The following PDE8B variants were observed in gnomAD, a reference collection of about 807,000 sequenced individuals.
PDE8B encodes the protein phosphodiesterase 8B.
A neutral mutation model predicts 101.3 loss-of-function variants in PDE8B; 26 were observed. That is an observed-to-expected ratio of 0.26 (90% CI 0.19 to 0.36). PDE8B has a LOEUF of 0.36. Among genes scored for constraint, PDE8B ranks in the 10% least tolerant of loss-of-function variants. The pLI, the probability that PDE8B is intolerant of heterozygous loss-of-function variation, is 1.00. For synonymous variants in PDE8B, 424 were observed against 429.3 expected (o/e 0.99, Z 0.15); for missense variants, 810 against 1,163.1 (o/e 0.70, Z 4.42).
intron 10 of PDE8B, among the ~76,000 whole-genome samples, chr5:77,381,133 C>T (rs13178853): frequency 0.84 from 127,513 of 152,220 alleles, 53,816 homozygotes; most frequent in African/African-American, 0.94. Context: ...ATAGCCAGCT[C>T]GCTGCCTGGA....
the PDE8B span, chr5:77,087,756 TC>T: frequency 6.6e-6 from 1 of 152,262 alleles, no homozygotes; most frequent in Non-Finnish European, 1.5e-5. Context: ...TGGGCCATGC[TC>T]CCTGCTGGGC....
At chr5:77,262,553 C>T (rs1311208715) in intron 1 of PDE8B, among the ~76,000 whole-genome samples, 1 of 152,166 alleles carries the variant, frequency 6.6e-6, no homozygotes, top group African/African-American at 2.4e-5. Flanking sequence ...TATAGTTGTA[C>T]CTTATTATCA....
At chr5:77,137,212 T>C in the PDE8B span, among the ~76,000 whole-genome samples, 340 of 152,296 alleles carry the variant, frequency 2.2e-3, 4 homozygotes, top group African/African-American at 7.8e-3. Context: ...CTGAAAGTCT[T>C]CCAGGTTATT....
At chr5:77,103,832 C>G in the PDE8B span, among the ~76,000 whole-genome samples, 1 of 152,172 alleles carries the variant, frequency 6.6e-6, no homozygotes, top group Non-Finnish European at 1.5e-5. Flanking sequence ...GGTCCTTTTG[C>G]TTTTTCCTCT....
At position 77,417,355 on chromosome 5, in the gene PDE8B, G is replaced by A. The variant is rs140598290; in HGVS notation, c.1912-874G>A. On this transcript the variant is annotated intron_variant, in intron 17 of 21. Transcript: ENST00000264917. Reference sequence around the variant, plus strand: ...GCACGTCTCACAGCAAGTTACTTCCGTTTGTGTTTTTAAATGTATTTGTCT... The same window carrying A: ...GCACGTCTCACAGCAAGTTACTTCCATTTGTGTTTTTAAATGTATTTGTCT... 1.9e-4 allele frequency among the ~76,000 whole-genome samples: 29 copies of A among 152,242 alleles called. 1 individual carries two copies. The highest frequency in any genetic ancestry group is 5.3e-4 in the African/African-American group (22 of 41,546).
chr5:77,360,605 G>T (rs947327129), intron 10 of PDE8B, among the ~76,000 whole-genome samples: 3 of 152,218 alleles, frequency 2.0e-5, no homozygotes, highest in African/African-American at 7.2e-5. Context: ...CCCAGTGGAA[G>T]ATACAGGATG....
chr5:77,235,906 G>A (rs1754581572), intron 1 of PDE8B, among the ~76,000 whole-genome samples: 2 of 151,956 alleles, frequency 1.3e-5, no homozygotes, highest in Admixed American at 6.6e-5. Flanking sequence ...AACCTTATTT[G>A]GTTGGTACTA....
intron 2 of PDE8B, among the ~76,000 whole-genome samples, chr5:77,317,166 C>T (rs936624878): frequency 4.6e-5 from 7 of 152,134 alleles, no homozygotes; most frequent in Non-Finnish European, 8.8e-5. Context: ...AACACACTAA[C>T]TTTCAGTGTA....
chr5:77,238,912 T>G (rs531824763), intron 1 of PDE8B, among the ~76,000 whole-genome samples: 3 of 152,364 alleles, frequency 2.0e-5, no homozygotes, highest in South Asian at 2.1e-4. Context: ...TTCAACAGAT[T>G]GTATGATGTC....
intron 1 of PDE8B, among the ~76,000 whole-genome samples, chr5:77,258,689 C>G (rs987577421): frequency 6.6e-6 from 1 of 152,162 alleles, no homozygotes; most frequent in African/African-American, 2.4e-5. Flanking sequence ...TCTATCACAG[C>G]TTTTGAGTCT....
chr5:77,287,820 G>T (rs1194510006), intron 1 of PDE8B, among the ~76,000 whole-genome samples: 2 of 151,870 alleles, frequency 1.3e-5, no homozygotes, highest in Non-Finnish European at 2.9e-5. Context: ...TTTTTAAAAT[G>T]TTTTCTAGTT....
intron 20 of PDE8B, among the ~76,000 whole-genome samples, chr5:77,422,707 ACT>A (rs1796932957): frequency 6.7e-6 from 1 of 149,740 alleles, no homozygotes; most frequent in Admixed American, 6.7e-5. Context: ...CAGAGAAGAG[ACT>A]CTAAGCACTG....
intron 1 of PDE8B, among the ~76,000 whole-genome samples, chr5:77,249,135 G>A (rs989758): frequency 0.41 from 62,529 of 152,072 alleles, 13,399 homozygotes; most frequent in East Asian, 0.75. Context: ...TCTGGCTGGA[G>A]AGACCTTTAA....
chr5:77,122,580 C>A, the PDE8B span, among the ~76,000 whole-genome samples: 1 of 152,136 alleles, frequency 6.6e-6, no homozygotes, highest in African/African-American at 2.4e-5. Context: ...GGGGGCAATC[C>A]TACTTCTACC....
At chr5:77,144,645 G>C in the PDE8B span, 1 of 151,732 alleles carries the variant, frequency 6.6e-6, no homozygotes, top group African/African-American at 2.4e-5. Flanking sequence ...TTTTTGGAGA[G>C]AGATGACCTA....
the PDE8B span, among the ~76,000 whole-genome samples, chr5:77,185,225 A>G: frequency 6.6e-6 from 1 of 152,240 alleles, no homozygotes; most frequent in Non-Finnish European, 1.5e-5. Flanking sequence ...TTAGTTTGCT[A>G]GAGCTGCCAT....
the PDE8B span, among the ~76,000 whole-genome samples, chr5:77,194,431 A>C: frequency 6.6e-6 from 1 of 152,222 alleles, no homozygotes; most frequent in African/African-American, 2.4e-5. Flanking sequence ...TTATTGTGGT[A>C]AAATACCCAT....
intron 10 of PDE8B, among the ~76,000 whole-genome samples, chr5:77,364,184 G>C (rs1783683508): frequency 6.6e-6 from 1 of 152,186 alleles, no homozygotes; most frequent in Non-Finnish European, 1.5e-5. Flanking sequence ...GGCAAGGTTG[G>C]GCATGCAGTA....
chr5:77,095,092 C>T, the PDE8B span, among the ~76,000 whole-genome samples: 3 of 152,140 alleles, frequency 2.0e-5, no homozygotes, highest in Non-Finnish European at 4.4e-5. Context: ...AAAAATTGCC[C>T]TTGTTTGATG....
Sources: gnomAD v4.1 joint callset for allele counts (sites outside exome capture counted in the v4.1 genomes callset) on GRCh38, gnomAD v4.1.1 for gene constraint, MANE v1.5 for transcripts, NCBI Gene and HGNC (gene_info 2026-07-23, HGNC 2026-07-21) for gene names.